The following GRWD1 variants were observed in gnomAD, a reference collection of about 807,000 sequenced individuals.
The protein encoded by GRWD1 is glutamate rich WD repeat containing 1.
In GRWD1, 29 loss-of-function variants were observed where a neutral mutation model predicts 45.3. That is an observed-to-expected ratio of 0.64 (90% CI 0.48 to 0.87). GRWD1 has a LOEUF of 0.87. GRWD1 is among the 40% of genes least tolerant of loss of function. The probability of loss-of-function intolerance (pLI) is 0.00; values close to 1 mark genes in which losing one functional copy is unlikely to be tolerated. For synonymous variants in GRWD1, 262 were observed against 257.6 expected (o/e 1.02, Z -0.16); for missense variants, 592 against 618.8 (o/e 0.96, Z 0.46).
At position 48,450,333 on chromosome 19, in the gene GRWD1, G is replaced by A. The variant is rs775788053; in HGVS notation, c.489G>A (p.Glu163=). Residue 163 remains glutamate (E), a synonymous_variant, in exon 4 of 7, where the codon GAG becomes GAA. Coordinates refer to ENST00000253237, the MANE Select transcript of GRWD1 (RefSeq NM_031485.4). This position sits in a 1 kb window ranked among gnomAD's most constrained non-coding sequence, Gnocchi z 5.1. ...TGCAGGTGTCATGGCTGGGTGAAGA[G>A]CCTGTGGCTGGGGTGTGGTCAGAGA... ...NRVRVSWLGE[E]PVAGVWSEKG... 1.2e-6 allele frequency: 2 copies of A among 1,612,420 alleles called. No homozygotes were observed. Among genetic ancestry groups the A allele is most frequent in the East Asian group, 4.5e-5 (2 of 44,874 alleles).
chr19:48,450,263 C>A lies in GRWD1; in HGVS notation c.469-50C>A. Reference sequence around the variant, plus strand: ...GGGAGCGTGGGGTCAGTGCCTTGATCCTCCTCTCCCCTCGCTTCACATCAC... The same window carrying A: ...GGGAGCGTGGGGTCAGTGCCTTGATACTCCTCTCCCCTCGCTTCACATCAC... On this transcript the variant is annotated intron_variant, in intron 3 of 6. Coordinates refer to ENST00000253237, the MANE Select transcript of GRWD1 (RefSeq NM_031485.4). The surrounding 1 kb of genome is among the most constrained non-coding windows in gnomAD (Gnocchi z 5.1). 1 of 1,459,376 alleles carries A rather than the reference C, an allele frequency of 6.9e-7. No homozygotes were observed. The highest frequency in any genetic ancestry group is 9.4e-7 in the Non-Finnish European group (1 of 1,061,346). 90.4% of individuals were successfully genotyped at this position (1,459,376 alleles called of 1,614,324 possible). A position where few individuals can be genotyped will look rare whatever the true frequency, so the allele number is the denominator to read the frequency against.
chr19:48,449,314 G>A (rs930283084), intron 3 of GRWD1, among the ~76,000 whole-genome samples: 46 of 152,064 alleles, frequency 3.0e-4, no homozygotes, highest in African/African-American at 1.0e-3. Flanking sequence ...GGGTGGTCTC[G>A]CTCCTGACCT....
intron 3 of GRWD1, among the ~76,000 whole-genome samples, chr19:48,448,581 G>A (rs1971437314): frequency 6.6e-6 from 1 of 152,134 alleles, no homozygotes; most frequent in South Asian, 2.1e-4. Flanking sequence ...TGCTCCAGGA[G>A]TGGGGTGCTA....
In GRWD1 at chr19:48,448,080, T is replaced by C. The variant is rs528783885; in HGVS notation, c.468+1237T>C. On this transcript the variant is annotated intron_variant, in intron 3 of 6. Coordinates refer to ENST00000253237, the MANE Select transcript of GRWD1 (RefSeq NM_031485.4). The stretch of plus-strand genomic sequence containing the variant: ...GATTCTCCTGCCTCAGCCTCCCGAG[T>C]AGCTGGGATCACAAGTGCACACCAC... Among the ~76,000 whole-genome samples, 9 of 152,212 alleles carry C rather than the reference T, an allele frequency of 5.9e-5. No individual in the cohort carries two copies. The South Asian group carries it at 1.7e-3, about 28-fold the overall frequency.
chr19:48,446,754 G>A lies in GRWD1; in HGVS notation c.379G>A (p.Glu127Lys), dbSNP rs1971408583. 40 of 1,613,524 alleles carry A rather than the reference G, an allele frequency of 2.5e-5. No individual in the cohort carries two copies. Among genetic ancestry groups the A allele is most frequent in the Non-Finnish European group, 3.3e-5 (39 of 1,179,500 alleles). Residue 127 changes from glutamate (E) to lysine (K), a missense_variant, in exon 3 of 7, where the codon GAG becomes AAG. Transcript: ENST00000253237. ...PPSEGSDEEE[E>K]EEDEEDEEER... is the part of the protein sequence containing the mutation. ...CTCAGAGGGCAGTGATGAAGAAGAA[G>A]AGGAGGAAGATGAAGAGGATGAAGA...
In GRWD1 at chr19:48,453,035, C is replaced by A; in HGVS notation, c.*10C>A. The A allele has an allele frequency of 6.4e-7, 1 of 1,563,176 alleles. No individual in the cohort carries two copies. Among genetic ancestry groups the A allele is most frequent in the Admixed American group, 1.8e-5 (1 of 56,298 alleles). ...CACCATCAGCGTCTGAGGCGTCCCA[C>A]TGGCTCTGATCTTGCTTCCTGCTTG... On this transcript the variant is annotated 3_prime_UTR_variant, in exon 7 of 7. Coordinates refer to ENST00000253237, the MANE Select transcript of GRWD1 (RefSeq NM_031485.4).
chr19:48,451,078 C>T lies in GRWD1; in HGVS notation c.870C>T (p.Asp290=), dbSNP rs777544717. 5.0e-6 allele frequency: 8 copies of T among 1,614,120 alleles called. No individual in the cohort carries two copies. The highest frequency in any genetic ancestry group is 1.1e-5 in the South Asian group (1 of 91,090). Residue 290 remains aspartate, a synonymous_variant, in exon 6 of 7, where the codon GAC becomes GAT. Transcript: ENST00000253237. Reference sequence around the variant, plus strand: ...CTGACGCCTCCATCCGCATCTGGGACATCCGGGCAGCCCCCAGCAAGGCCT... The same window carrying T: ...CTGACGCCTCCATCCGCATCTGGGATATCCGGGCAGCCCCCAGCAAGGCCT... ...CSADASIRIW[D]IRAAPSKACM...
intron 3 of GRWD1, among the ~76,000 whole-genome samples, chr19:48,448,768 C>T (rs1228210366): frequency 6.6e-6 from 1 of 152,142 alleles, no homozygotes; most frequent in African/African-American, 2.4e-5. Context: ...GCGGGAGTGT[C>T]CAGTCTGTCT....
At chr19:48,449,021 C>G (rs921370197) in intron 3 of GRWD1, among the ~76,000 whole-genome samples, 2 of 151,856 alleles carry the variant, frequency 1.3e-5, no homozygotes, top group African/African-American at 4.8e-5. Flanking sequence ...GGGAGACTTA[C>G]GGTATTCAGG....
rs781045719 is a variant in GRWD1 at position 48,450,778 on chromosome 19, G to T, written c.795G>T (p.Glu265Asp). The change falls in exon 5 of 7, where the codon GAG (glutamate) becomes GAT (aspartate). Residue 265 changes from glutamate (E) to aspartate (D), a missense_variant. Glu to Asp is a conservative substitution (Grantham distance 45). Transcript: ENST00000253237. This position sits in a 1 kb window ranked among gnomAD's most constrained non-coding sequence, Gnocchi z 5.1. Reference sequence around the variant, plus strand: ...TCGTGGGCCACACACGCTCTGTGGAGGACCTGCAGTGGTCACCGACTGAGA... The same window carrying T: ...TCGTGGGCCACACACGCTCTGTGGATGACCTGCAGTGGTCACCGACTGAGA... ...RPFVGHTRSV[E>D]DLQWSPTENT... 8 of 1,613,906 alleles carry T rather than the reference G, an allele frequency of 5.0e-6. No homozygotes were observed. Among genetic ancestry groups the T allele is most frequent in the Non-Finnish European group, 5.9e-6 (7 of 1,180,000 alleles).
chr19:48,451,288 G>T, intron 6 of GRWD1, 57 bp downstream of exon 6: 6 of 1,433,780 alleles, frequency 4.2e-6, no homozygotes, highest in South Asian at 1.4e-5. Flanking sequence ...GCAGCCCCTG[G>T]GATTTGTAGG....
rs1430317986 is a variant in GRWD1 at position 48,453,095 on chromosome 19, GT to G, written c.*72del. On this transcript the variant is annotated 3_prime_UTR_variant, in exon 7 of 7. Transcript: ENST00000253237. ...GTCGAATTGGGCTCCCCTGGAAGGGGTTCATTCAGGTCTGTTGACTGAGACT... is the reference window on the plus strand; with the variant it reads ...GTCGAATTGGGCTCCCCTGGAAGGGGTCATTCAGGTCTGTTGACTGAGACT... 1.2e-5 allele frequency: 17 copies of G among 1,391,600 alleles called. No individual in the cohort carries two copies. The highest frequency in any genetic ancestry group is 1.6e-5 in the Non-Finnish European group (16 of 1,023,152). 86.2% of individuals were successfully genotyped at this position (1,391,600 alleles called of 1,614,324 possible). A position where few individuals can be genotyped will look rare whatever the true frequency, so the allele number is the denominator to read the frequency against.
chr19:48,455,983 C>T lies in GRWD1; in HGVS notation c.*2958C>T, dbSNP rs901520227. 6.6e-6 allele frequency: 1 copy of T among 152,300 alleles called. No homozygotes were observed. Among genetic ancestry groups the T allele is most frequent in the Non-Finnish European group, 1.5e-5 (1 of 68,098 alleles). 9.4% of individuals were successfully genotyped at this position (152,300 alleles called of 1,614,324 possible). A position where few individuals can be genotyped will look rare whatever the true frequency, so the allele number is the denominator to read the frequency against. ...CTTGAGAAGACTGTGGTTTGTCACT[C>T]GGGCCGTGGCTCCCAGGAGGCCTGG... On this transcript the variant is annotated 3_prime_UTR_variant, in exon 7 of 7. Transcript: ENST00000253237.
Position 48,450,857 on chromosome 19 carries a change from C to T in GRWD1, c.825+49C>T, listed in dbSNP as rs1435038817. 1.9e-6 allele frequency: 3 copies of T among 1,574,158 alleles called. No homozygotes were observed. In the African/African-American group the frequency reaches 4.1e-5, roughly 21 times the overall value. On this transcript the variant is annotated intron_variant, in intron 5 of 6. Coordinates refer to ENST00000253237, the MANE Select transcript of GRWD1 (RefSeq NM_031485.4). The surrounding 1 kb of genome is among the most constrained non-coding windows in gnomAD (Gnocchi z 5.1). ...CGTTTAGTTCTGATGGATTCTAGGC[C>T]AGGGACCTAGAATCCTAGGTCTGAG...
rs766976245 is a variant in GRWD1, at chr19:48,450,856, C to T, written c.825+48C>T. 1.2e-5 allele frequency: 19 copies of T among 1,562,574 alleles called. No homozygotes were observed. Among genetic ancestry groups the T allele is most frequent in the Non-Finnish European group, 1.6e-5 (18 of 1,143,850 alleles). ...TCGTTTAGTTCTGATGGATTCTAGG[C>T]CAGGGACCTAGAATCCTAGGTCTGA... is the stretch of plus-strand genomic sequence containing the variant. On this transcript the variant is annotated intron_variant, in intron 5 of 6. Coordinates refer to ENST00000253237, the MANE Select transcript of GRWD1 (RefSeq NM_031485.4). This position sits in a 1 kb window ranked among gnomAD's most constrained non-coding sequence, Gnocchi z 5.1.
At chr19:48,446,321 G>C in intron 1 of GRWD1, 64 bp from the exon 2 acceptor site, 1 of 1,562,520 alleles carries the variant, frequency 6.4e-7, no homozygotes, top group South Asian at 1.1e-5. Flanking sequence ...TGATCCATGA[G>C]GGAGGTGGGG....
Position 48,455,187 on chromosome 19 carries a change from C to G in GRWD1, c.*2162C>G, listed in dbSNP as rs894768452. On this transcript the variant is annotated 3_prime_UTR_variant, in exon 7 of 7. Coordinates refer to ENST00000253237, the MANE Select transcript of GRWD1 (RefSeq NM_031485.4). ...CCTCTCTGGGTCTCTGTCCCCCTCT[C>G]TCTCAGGGTCCCTGTCCTGCTTGGT... 1 of 152,604 alleles carries G rather than the reference C, an allele frequency of 6.6e-6. No individual in the cohort carries two copies. Among genetic ancestry groups the G allele is most frequent in the Non-Finnish European group, 1.5e-5 (1 of 68,404 alleles). 9.5% of individuals were successfully genotyped at this position (152,604 alleles called of 1,614,324 possible). A position where few individuals can be genotyped will look rare whatever the true frequency, so the allele number is the denominator to read the frequency against.
At chr19:48,449,038 A>G (rs1352719146) in intron 3 of GRWD1, among the ~76,000 whole-genome samples, 1 of 152,116 alleles carries the variant, frequency 6.6e-6, no homozygotes, top group Non-Finnish European at 1.5e-5. Flanking sequence ...CAGGGGAAGG[A>G]TGACATCAGT....
chr19:48,452,089 C>T lies in GRWD1; in HGVS notation c.1024-619C>T, dbSNP rs201337618. Among the ~76,000 whole-genome samples, 16 of 146,034 alleles carry T rather than the reference C, an allele frequency of 1.1e-4. No homozygotes were observed. In the East Asian group the frequency reaches 1.2e-3, roughly 11 times the overall value. ...GGGAGAGCCATGCCCTCCTTTTTTT[C>T]TTTTTTTTTTTTTTTTTCTTTTTTT... On this transcript the variant is annotated intron_variant, in intron 6 of 6. Coordinates refer to ENST00000253237, the MANE Select transcript of GRWD1 (RefSeq NM_031485.4). The surrounding 1 kb of genome is among the most constrained non-coding windows in gnomAD (Gnocchi z 5.1).
Sources: allele counts gnomAD v4.1 joint callset (sites outside exome capture counted in the v4.1 genomes callset), GRCh38; gene constraint gnomAD v4.1.1; non-coding constraint Gnocchi (gnomAD v3.1); transcripts MANE v1.5; gene names NCBI Gene and HGNC (gene_info 2026-07-23, HGNC 2026-07-21).